Variants in TLN2 observed in about 807,000 individuals in gnomAD.
TLN2 encodes talin-2.
TLN2 carries 118 observed loss-of-function variants against 294.7 expected under a neutral mutation model. The ratio of observed to expected loss-of-function variants is 0.40; its 90% CI spans 0.34 to 0.47. The LOEUF is 0.47. TLN2 is among the 20% of genes least tolerant of loss of function. The probability of loss-of-function intolerance (pLI) is 0.84; values close to 1 mark genes in which losing one functional copy is unlikely to be tolerated. For synonymous variants in TLN2, 1,431 were observed against 1,304.5 expected (o/e 1.10, Z -2.09); for missense variants, 3,083 against 3,282.2 (o/e 0.94, Z 1.48).
At chr15:62,604,302 G>T (rs2047232792) in intron 2 of TLN2, among the ~76,000 whole-genome samples, 1 of 151,980 alleles carries the variant, frequency 6.6e-6, no homozygotes, top group Non-Finnish European at 1.5e-5. Context: ...GATTACTTGA[G>T]CCTAGGAGTT....
chr15:62,468,738 C>G (rs2037285077), intron 1 of TLN2, among the ~76,000 whole-genome samples: 1 of 136,848 alleles, frequency 7.3e-6, no homozygotes, highest in African/African-American at 2.7e-5. Context: ...GAGCTAGACT[C>G]TGTCTCAAAA....
chr15:62,767,199 A>G (rs1353428173), intron 41 of TLN2, among the ~76,000 whole-genome samples: 1 of 152,180 alleles, frequency 6.6e-6, no homozygotes, highest in African/African-American at 2.4e-5. Context: ...GCTTTTTTAA[A>G]TTACAGAATA....
At chr15:62,540,813 A>G (rs2041639462) in intron 1 of TLN2, among the ~76,000 whole-genome samples, 1 of 152,212 alleles carries the variant, frequency 6.6e-6, no homozygotes, top group Non-Finnish European at 1.5e-5. Context: ...CAGAATTAAT[A>G]TACTCATGGG....
intron 1 of TLN2, among the ~76,000 whole-genome samples, chr15:62,492,288 GTGGCTGATGCCTA>G (rs2038779286): frequency 6.6e-6 from 1 of 152,028 alleles, no homozygotes; most frequent in Admixed American, 6.5e-5. Flanking sequence ...GCCGGGTGCG[GTGGCTGATGCCTA>G]TAATCCCAGC....
rs560394984 is a variant in TLN2 at position 62,702,190 on chromosome 15, C to A, written c.1895C>A (p.Thr632Asn). ...GACTTGCTGAAAGCTGTGCAGCCTA[C>A]TTCTGGAGAGGTAAGCTCCAGAGGC... is the stretch of plus-strand genomic sequence containing the variant. The part of the protein sequence containing the change: ...VSDLLKAVQP[T>N]SGEPRQTVLT... Residue 632 changes from threonine (T) to asparagine (N), a missense_variant, in exon 18 of 59, where the codon ACT becomes AAT. Physicochemically the swap from Thr to Asn is moderately conservative, Grantham distance 65 (BLOSUM62 0). Coordinates refer to ENST00000636159, the MANE Select transcript of TLN2 (RefSeq NM_015059.3). 1.9e-5 allele frequency: 31 copies of A among 1,596,930 alleles called. No homozygotes were observed. The highest frequency in any genetic ancestry group is 2.0e-4 in the Middle Eastern group (1 of 4,912).
Position 62,741,748 on chromosome 15 carries a change from C to CGCGCGCGCGCGTGTGTGTGTGTGTGT in TLN2, c.4025+980_4025+981insCGCGCGCGCGTGTGTGTGTGTGTGTG. 3.7e-4 allele frequency among the ~76,000 whole-genome samples: 49 copies of CGCGCGCGCGCGTGTGTGTGTGTGTGT among 131,164 alleles called. 2 individuals are homozygous for CGCGCGCGCGCGTGTGTGTGTGTGTGT. The highest frequency in any genetic ancestry group is 5.4e-4 in the Admixed American group (7 of 12,918). 86.0% of individuals were successfully genotyped at this position (131,164 alleles called of 152,430 possible). ...TTAACTTGGTTTTTTAAAATTTGCG[C>CGCGCGCGCGCGTGTGTGTGTGTGTGT]GTGTGTGTGTGTGTGTGTGTCTTTA... On this transcript the variant is annotated intron_variant, in intron 32 of 58. Coordinates refer to ENST00000636159, the MANE Select transcript of TLN2 (RefSeq NM_015059.3).
At chr15:62,494,310 G>T (rs1455784981) in intron 1 of TLN2, among the ~76,000 whole-genome samples, 1 of 152,052 alleles carries the variant, frequency 6.6e-6, no homozygotes, top group Non-Finnish European at 1.5e-5. Flanking sequence ...TCAGCTGGCA[G>T]GGTCTCGGGG....
At chr15:62,704,215 A>T (rs1476242879) in intron 19 of TLN2, among the ~76,000 whole-genome samples, 1 of 152,168 alleles carries the variant, frequency 6.6e-6, no homozygotes, top group East Asian at 1.9e-4. Flanking sequence ...ATATGAACTA[A>T]CACCACAAAT....
chr15:62,507,733 A>G (rs544684779), intron 1 of TLN2, among the ~76,000 whole-genome samples: 3 of 152,326 alleles, frequency 2.0e-5, no homozygotes, highest in African/African-American at 7.2e-5. Flanking sequence ...ATGCTTAGTA[A>G]GCAATTGAGT....
At chr15:62,442,363 G>A (rs887284906) in intron 1 of TLN2, among the ~76,000 whole-genome samples, 23 of 151,784 alleles carry the variant, frequency 1.5e-4, no homozygotes, top group African/African-American at 5.6e-4. Context: ...GTGTGGTGGT[G>A]CGTGCCTGTA....
intron 32 of TLN2, among the ~76,000 whole-genome samples, chr15:62,747,865 G>A (rs2061700235): frequency 6.6e-6 from 1 of 152,146 alleles, no homozygotes; most frequent in Non-Finnish European, 1.5e-5. Flanking sequence ...CTAACAAAAT[G>A]ATAAGAGAAA....
chr15:62,769,642 C>A (rs1226307787), intron 41 of TLN2, among the ~76,000 whole-genome samples: 1 of 152,134 alleles, frequency 6.6e-6, no homozygotes, highest in African/African-American at 2.4e-5. Flanking sequence ...CCTCACCTTG[C>A]CCTAGCCACC....
At chr15:62,411,423 T>G in intron 1 of TLN2, among the ~76,000 whole-genome samples, 1 of 125,246 alleles carries the variant, frequency 8.0e-6, no homozygotes, top group East Asian at 2.5e-4. Context: ...AGAGTGTGAG[T>G]AATGGATGTG....
At chr15:62,838,528 C>A (rs950228742) in intron 57 of TLN2, among the ~76,000 whole-genome samples, 2 of 152,198 alleles carry the variant, frequency 1.3e-5, no homozygotes, top group Non-Finnish European at 2.9e-5. Context: ...AGGCAGAACT[C>A]CGGCATGCCT....
chr15:62,509,776 C>T (rs984812992), intron 1 of TLN2, among the ~76,000 whole-genome samples: 18 of 152,126 alleles, frequency 1.2e-4, no homozygotes, highest in Non-Finnish European at 4.4e-5. Flanking sequence ...GGCTGTTGGG[C>T]TTGCCTGAGC....
intron 1 of TLN2, chr15:62,476,297 A>T (rs2037780479): frequency 6.6e-6 from 1 of 152,212 alleles, no homozygotes; most frequent in South Asian, 2.1e-4. Flanking sequence ...ACCTGCACTG[A>T]CACATGTCAT....
chr15:62,458,353 CTCTT>C (rs1314956867), intron 1 of TLN2, among the ~76,000 whole-genome samples: 2 of 152,162 alleles, frequency 1.3e-5, no homozygotes, highest in East Asian at 3.9e-4. Flanking sequence ...CATTTGGAAT[CTCTT>C]TCACATTGGC....
intron 10 of TLN2, 104 bp downstream of exon 10, chr15:62,673,994 C>T: frequency 1.3e-6 from 1 of 753,492 alleles, no homozygotes; most frequent in Non-Finnish European, 2.2e-6. Context: ...CGTGCCTGTA[C>T]TCTGATATAA....
intron 1 of TLN2, among the ~76,000 whole-genome samples, chr15:62,448,853 G>A (rs890779801): frequency 2.0e-5 from 3 of 152,206 alleles, no homozygotes; most frequent in Non-Finnish European, 4.4e-5. Context: ...CCCATCAGGA[G>A]GAAACTACTA....
Sources: allele counts gnomAD v4.1 joint callset (sites outside exome capture counted in the v4.1 genomes callset), GRCh38; gene constraint gnomAD v4.1.1; transcripts MANE v1.5; gene names NCBI Gene and HGNC (gene_info 2026-07-23, HGNC 2026-07-21).